BOP1: variants seen among roughly 807,000 people sequenced by gnomAD.
BOP1 encodes ribosome biogenesis protein BOP1.
A neutral mutation model predicts 82.9 loss-of-function variants in BOP1; 54 were observed. That is an observed-to-expected ratio of 0.65 (90% CI 0.52 to 0.82). The LOEUF (loss-of-function observed/expected upper bound fraction) is 0.82. BOP1 is among the 40% of genes least tolerant of loss of function. The probability of loss-of-function intolerance (pLI) is 0.00; values close to 1 mark genes in which losing one functional copy is unlikely to be tolerated. For missense variants in BOP1, 1,170 were observed against 1,072.0 expected (o/e 1.09, Z -1.28); for synonymous variants, 566 against 451.1 (o/e 1.25, Z -3.23).
intron 3 of BOP1, among the ~76,000 whole-genome samples, chr8:144,270,582 A>G (rs1289511455): frequency 6.6e-6 from 1 of 152,004 alleles, no homozygotes; most frequent in Non-Finnish European, 1.5e-5. Context: ...CCAGCCAGCA[A>G]GAGGGGAGGG....
intron 3 of BOP1, among the ~76,000 whole-genome samples, chr8:144,274,546 C>T: frequency 6.6e-6 from 1 of 152,356 alleles, no homozygotes; most frequent in Admixed American, 6.5e-5. Context: ...CCTGGCCTGG[C>T]TCCTGAAAGC....
At chr8:144,271,122 C>T (rs1446633541) in intron 3 of BOP1, among the ~76,000 whole-genome samples, 1 of 152,090 alleles carries the variant, frequency 6.6e-6, no homozygotes, top group Non-Finnish European at 1.5e-5. Flanking sequence ...AGCATCAGGG[C>T]TCTCCTGGGG....
intron 2 of BOP1, 145 bp downstream of exon 2, chr8:144,288,950 A>G: frequency 1.2e-6 from 1 of 809,630 alleles, no homozygotes; most frequent in Non-Finnish European, 2.0e-6. Context: ...CTAGAGCCCA[A>G]GCGTGCCCCA....
At chr8:144,269,581 T>C (rs940519059) in intron 3 of BOP1, among the ~76,000 whole-genome samples, 47 of 152,236 alleles carry the variant, frequency 3.1e-4, no homozygotes, top group African/African-American at 1.1e-3. Flanking sequence ...TCCAATCTGA[T>C]AGAAATATAA....
rs1588599284 is a variant in BOP1, at chr8:144,276,224, C to G, written c.390G>C (p.Glu130Asp). 1 of 1,613,272 alleles carries G rather than the reference C, an allele frequency of 6.2e-7. No individual in the cohort carries two copies. The highest frequency in any genetic ancestry group is 8.5e-7 in the Non-Finnish European group (1 of 1,179,806). Residue 130 changes from glutamate to aspartate, a missense_variant and splice_region_variant, in exon 3 of 16, where the codon GAG (glutamate) becomes GAC (aspartate). Glu to Asp is a conservative substitution (Grantham distance 45). Transcript: ENST00000569669. ...DEYAEDSSDE[E>D]DIRNTVGNVP... is the part of the protein sequence containing the mutation. ...CAGTGGGAAGCAGCCCCAGTCCTAC[C>G]TCCTCATCAGAGCTGTCCTCCGCAT...
intron 3 of BOP1, among the ~76,000 whole-genome samples, chr8:144,272,740 G>A (rs1333644136): frequency 6.6e-6 from 1 of 152,052 alleles, no homozygotes; most frequent in African/African-American, 2.4e-5. Flanking sequence ...GAGAGCCCAG[G>A]GTACCCCCAT....
Position 144,262,237 on chromosome 8 carries a change from T to A in BOP1, c.2168A>T (p.Asp723Val). The A allele has an allele frequency of 6.2e-7, 1 of 1,612,548 alleles. No individual in the cohort carries two copies. Among genetic ancestry groups the A allele is most frequent in the Non-Finnish European group, 8.5e-7 (1 of 1,179,756 alleles). ...HVLTRDLGVL[D>V]VIFHPTQPWV... The stretch of plus-strand genomic sequence containing the variant: ...CGGCTGGGTGGGGTGGAAGATGACG[T>A]CCAGCACTCCCAGATCTCGGGTCAG... The change falls in exon 16 of 16, where the codon GAC (aspartate) becomes GTC (valine). Residue 723 changes from aspartate (D) to valine (V), a missense_variant. Coordinates refer to ENST00000569669, the MANE Select transcript of BOP1 (RefSeq NM_015201.5).
chr8:144,287,474 A>C (rs114021823), intron 2 of BOP1, among the ~76,000 whole-genome samples: 1 of 152,088 alleles, frequency 6.6e-6, no homozygotes, highest in Non-Finnish European at 1.5e-5. Context: ...TGCTGCTACA[A>C]TATCTACATT....
chr8:144,267,355 G>A (rs1434931309), intron 3 of BOP1, among the ~76,000 whole-genome samples: 3 of 152,162 alleles, frequency 2.0e-5, no homozygotes, highest in South Asian at 4.1e-4. Context: ...TCCTCTCCAG[G>A]GCGTCCCTAG....
At chr8:144,273,189 G>A (rs973239422) in intron 3 of BOP1, among the ~76,000 whole-genome samples, 3 of 152,286 alleles carry the variant, frequency 2.0e-5, no homozygotes, top group East Asian at 1.9e-4. Context: ...CCGGAGGAGC[G>A]GAGGCCGCCA....
Position 144,264,707 on chromosome 8 carries a change from C to T in BOP1, c.663+7G>A, listed in dbSNP as rs1588589020. The stretch of plus-strand genomic sequence containing the variant: ...CCGCCGCCCAGGGGCCAGCCCCTGC[C>T]ACCTACCTCATAGGGGTTGAAGCCC... On this transcript the variant is annotated splice_region_variant and intron_variant, in intron 5 of 15. Transcript: ENST00000569669. 1 of 1,569,954 alleles carries T rather than the reference C, an allele frequency of 6.4e-7. No homozygotes were observed. Among genetic ancestry groups the T allele is most frequent in the Non-Finnish European group, 8.6e-7 (1 of 1,158,242 alleles).
Position 144,262,999 on chromosome 8 carries a change from T to C in BOP1, c.1748A>G (p.Gln583Arg). Residue 583 changes from glutamine (Q) to arginine (R), a missense_variant, in exon 13 of 16, where the codon CAG becomes CGG. Coordinates refer to ENST00000569669, the MANE Select transcript of BOP1 (RefSeq NM_015201.5). Reference sequence around the variant, plus strand: ...CCGGGCAGGGTGGAAGGCCACTCGCTGCACCTGTCCGTGGCTGCGGCGGAA... The same window carrying C: ...CCGGGCAGGGTGGAAGGCCACTCGCCGCACCTGTCCGTGGCTGCGGCGGAA... ...SPFRRSHGQV[Q>R]RVAFHPARPF... 6.4e-7 allele frequency: 1 copy of C among 1,557,284 alleles called. No individual in the cohort carries two copies. The highest frequency in any genetic ancestry group is 8.6e-7 in the Non-Finnish European group (1 of 1,159,160).
At chr8:144,284,073 C>T (rs1235723609) in intron 2 of BOP1, among the ~76,000 whole-genome samples, 1 of 152,088 alleles carries the variant, frequency 6.6e-6, no homozygotes, top group African/African-American at 2.4e-5. Context: ...GCCGAGATTG[C>T]ACCACCGTAC....
At chr8:144,272,655 A>G (rs1316994383) in intron 3 of BOP1, among the ~76,000 whole-genome samples, 5 of 151,932 alleles carry the variant, frequency 3.3e-5, no homozygotes, top group African/African-American at 1.2e-4. Context: ...CCACCCTTGC[A>G]GCCCACAAGC....
chr8:144,285,299 G>A (rs1157676228), intron 2 of BOP1, among the ~76,000 whole-genome samples: 1 of 152,162 alleles, frequency 6.6e-6, no homozygotes. Context: ...GCTGCCTGAT[G>A]CCCAGCCCCA....
rs1306559929 is a variant in BOP1, at chr8:144,276,377, A to G, written c.310-73T>C. The G allele has an allele frequency of 1.9e-6, 3 of 1,538,584 alleles. No individual in the cohort carries two copies. In the East Asian group the frequency reaches 6.9e-5, roughly 35 times the overall value. ...CTTTGACCTTGGGGGGATCCCAGGA[A>G]GCCCACCACCCCGAAATCTCTGAGC... On this transcript the variant is annotated intron_variant, in intron 2 of 15. Coordinates refer to ENST00000569669, the MANE Select transcript of BOP1 (RefSeq NM_015201.5).
At chr8:144,288,992 G>A in intron 2 of BOP1, 103 bp downstream of exon 2, 1 of 1,313,558 alleles carries the variant, frequency 7.6e-7, no homozygotes, top group South Asian at 1.3e-5. Flanking sequence ...CGGCCTTGGG[G>A]TTCTGAGGGA....
rs781829651 is a variant in BOP1 at position 144,289,291 on chromosome 8, C to G, written c.113G>C (p.Cys38Ser). The change falls in exon 2 of 16, where the codon TGC becomes TCC. Residue 38 changes from cysteine (C) to serine (S), a missense_variant. Transcript: ENST00000569669. ...GGTGCTGTGGCTGAGAGGAGAGGTG[C>G]AGAGGAGGGGGGGCTGCAAGGAAAC... ...PEPEPEPPLL[C>S]TSPLSHSTGS... 3.0e-5 allele frequency: 49 copies of G among 1,613,888 alleles called. No homozygotes were observed. The highest frequency in any genetic ancestry group is 4.2e-5 in the Non-Finnish European group (49 of 1,179,930).
intron 3 of BOP1, among the ~76,000 whole-genome samples, chr8:144,269,401 C>T (rs985103691): frequency 1.3e-5 from 2 of 152,200 alleles, no homozygotes; most frequent in Non-Finnish European, 2.9e-5. Flanking sequence ...GACGCACCCT[C>T]GGGGGGAGAC....
Sources: gnomAD v4.1 joint callset for allele counts (sites outside exome capture counted in the v4.1 genomes callset) on GRCh38, gnomAD v4.1.1 for gene constraint, MANE v1.5 for transcripts, NCBI Gene and HGNC (gene_info 2026-07-23, HGNC 2026-07-21) for gene names.